Variants in DOCK2 observed in about 807,000 individuals in gnomAD.
DOCK2 encodes the protein dedicator of cytokinesis 2.
DOCK2 carries 87 observed loss-of-function variants against 248.9 expected under a neutral mutation model. The observed-to-expected ratio is 0.35, with a 90% CI of 0.29 to 0.42. The LOEUF is 0.42. Among genes scored for constraint, DOCK2 ranks in the 10% least tolerant of loss-of-function variants. The probability of loss-of-function intolerance (pLI) is 1.00; values close to 1 mark genes in which losing one functional copy is unlikely to be tolerated. For synonymous variants in DOCK2, 805 were observed against 821.6 expected (o/e 0.98, Z 0.35); for missense variants, 1,747 against 2,300.2 (o/e 0.76, Z 4.92).
At chr5:169,683,129 C>T (rs1185349379) in intron 7 of DOCK2, among the ~76,000 whole-genome samples, 5 of 152,280 alleles carry the variant, frequency 3.3e-5, no homozygotes, top group African/African-American at 1.2e-4. Flanking sequence ...GTTTTAATTC[C>T]TTTTGGGCAA....
chr5:170,064,420 T>G (rs866829255), intron 44 of DOCK2, among the ~76,000 whole-genome samples: 3 of 150,474 alleles, frequency 2.0e-5, no homozygotes, highest in African/African-American at 7.3e-5. Context: ...AAGCATAAAG[T>G]GTACCAAACA....
At position 170,042,102 on chromosome 5, in the gene DOCK2, G is replaced by C. The variant is rs1198264844; in HGVS notation, c.3846G>C (p.Glu1282Asp). The C allele has an allele frequency of 1.9e-6, 3 of 1,613,072 alleles. No homozygotes were observed. Among genetic ancestry groups the C allele is most frequent in the Non-Finnish European group, 2.5e-6 (3 of 1,179,530 alleles). ...GGCAGCTGAAGGAGACGCTCTACGA[G>C]ACCATCATAGGCTACTTTGACAAAG... Reference protein sequence around the residue: ...THRQLKETLYETIIGYFDKGK... With the variant: ...THRQLKETLYDTIIGYFDKGK... Residue 1282 changes from glutamate (E) to aspartate (D), a missense_variant, in exon 38 of 52, where the codon GAG becomes GAC. Glu to Asp is a conservative substitution (Grantham distance 45). Coordinates refer to ENST00000520908, the MANE Select transcript of DOCK2 (RefSeq NM_004946.3).
At chr5:169,807,833 CAAAAAAA>C (rs61670398) in intron 26 of DOCK2, among the ~76,000 whole-genome samples, 2,064 of 24,238 alleles carry the variant, frequency 0.085, 59 homozygotes, top group African/African-American at 0.17. Context: ...GACTCTGTCT[CAAAAAAA>C]AAAAAAAAAA....
chr5:169,671,822 G>A (rs1759063243), intron 5 of DOCK2, among the ~76,000 whole-genome samples: 1 of 152,126 alleles, frequency 6.6e-6, no homozygotes, highest in Admixed American at 6.5e-5. Context: ...AGGATTTGTA[G>A]ACTTACCTTT....
chr5:169,801,021 C>A (rs1362670235), intron 25 of DOCK2, among the ~76,000 whole-genome samples: 1 of 124,200 alleles, frequency 8.1e-6, no homozygotes, highest in Non-Finnish European at 1.6e-5. Context: ...AGTTGTGTGA[C>A]CTTGGCTCAC....
chr5:169,668,931 C>T (rs1034400952), intron 2 of DOCK2, among the ~76,000 whole-genome samples: 1 of 152,112 alleles, frequency 6.6e-6, no homozygotes, highest in Non-Finnish European at 1.5e-5. Flanking sequence ...GCAATGGACA[C>T]AAGGGAGGGG....
intron 39 of DOCK2, 74 bp downstream of exon 39, chr5:170,045,979 G>A (rs1285521255): frequency 7.0e-7 from 1 of 1,437,514 alleles, no homozygotes; most frequent in Non-Finnish European, 9.8e-7. Context: ...CCAGATCCTG[G>A]GGAGATGGGC....
At chr5:170,018,707 G>A (rs1219792031) in intron 32 of DOCK2, among the ~76,000 whole-genome samples, 1 of 152,186 alleles carries the variant, frequency 6.6e-6, no homozygotes, top group Non-Finnish European at 1.5e-5. Flanking sequence ...AAACAGTGAA[G>A]TGCTTTCTAC....
At chr5:169,928,227 G>A (rs1165442360) in intron 27 of DOCK2, among the ~76,000 whole-genome samples, 3 of 152,178 alleles carry the variant, frequency 2.0e-5, no homozygotes, top group Non-Finnish European at 4.4e-5. Context: ...GCACCAGCAG[G>A]AGGGGTCTAC....
At chr5:170,066,159 T>C (rs1053327582) in intron 44 of DOCK2, among the ~76,000 whole-genome samples, 2 of 151,860 alleles carry the variant, frequency 1.3e-5, no homozygotes, top group African/African-American at 4.8e-5. Context: ...ACCATGTTAG[T>C]CAGGATGGTC....
intron 33 of DOCK2, among the ~76,000 whole-genome samples, chr5:170,021,388 C>G (rs540332243): frequency 6.6e-6 from 1 of 152,284 alleles, no homozygotes; most frequent in South Asian, 2.1e-4. Context: ...TAGAAGAGTT[C>G]CTGGGAACAG....
At chr5:169,658,300 G>A (rs1758234575) in intron 2 of DOCK2, among the ~76,000 whole-genome samples, 1 of 151,804 alleles carries the variant, frequency 6.6e-6, no homozygotes, top group South Asian at 2.1e-4. Context: ...CTAACATGGT[G>A]AAACCCCATC....
intron 27 of DOCK2, among the ~76,000 whole-genome samples, chr5:169,934,402 G>A (rs377735409): frequency 2.0e-5 from 3 of 152,072 alleles, no homozygotes; most frequent in South Asian, 2.1e-4. Context: ...TTACCTATCC[G>A]CATGCCCGTG....
chr5:169,738,645 C>T (rs548509832), intron 22 of DOCK2, among the ~76,000 whole-genome samples: 1 of 152,226 alleles, frequency 6.6e-6, no homozygotes, highest in East Asian at 1.9e-4. Context: ...AAAAAAGAAG[C>T]TAAGTCTTAT....
At chr5:169,696,202 A>G (rs1186148939) in intron 10 of DOCK2, among the ~76,000 whole-genome samples, 1 of 152,194 alleles carries the variant, frequency 6.6e-6, no homozygotes, top group Non-Finnish European at 1.5e-5. Flanking sequence ...TGAGCAGTTG[A>G]CACCTTTGCT....
chr5:169,846,892 C>T (rs1303176441), intron 27 of DOCK2, among the ~76,000 whole-genome samples: 4 of 151,938 alleles, frequency 2.6e-5, no homozygotes, highest in Admixed American at 6.6e-5. Flanking sequence ...CATTACGTTA[C>T]TCTGTATGCC....
chr5:170,047,959 T>G (rs553251786), intron 40 of DOCK2, among the ~76,000 whole-genome samples: 13 of 152,358 alleles, frequency 8.5e-5, no homozygotes, highest in Non-Finnish European at 1.2e-4. Context: ...GGCTTTTTGG[T>G]TCCAGAACCT....
At chr5:170,004,368 T>C (rs987236544) in intron 30 of DOCK2, among the ~76,000 whole-genome samples, 1 of 152,246 alleles carries the variant, frequency 6.6e-6, no homozygotes, top group Non-Finnish European at 1.5e-5. Flanking sequence ...ATTGCCGTTC[T>C]AACTGGTGTG....
chr5:169,823,107 C>T (rs1357337059), intron 26 of DOCK2, among the ~76,000 whole-genome samples: 1 of 152,176 alleles, frequency 6.6e-6, no homozygotes, highest in Non-Finnish European at 1.5e-5. Flanking sequence ...ATAACAGGCT[C>T]TGAAATTGAG....
Sources: gnomAD v4.1 joint callset for allele counts (sites outside exome capture counted in the v4.1 genomes callset) on GRCh38, gnomAD v4.1.1 for gene constraint, MANE v1.5 for transcripts, NCBI Gene and HGNC (gene_info 2026-07-23, HGNC 2026-07-21) for gene names.